The following PSMD1 variants were observed in gnomAD, a reference collection of about 807,000 sequenced individuals.
PSMD1 encodes the protein 26S proteasome non-ATPase regulatory subunit 1.
Under a neutral mutation model 119.0 loss-of-function variants are expected in PSMD1, and 18 were observed. The observed-to-expected ratio is 0.15, with a 90% CI of 0.10 to 0.22. The LOEUF is 0.22. PSMD1 is among the 10% of genes least tolerant of loss of function. The probability of loss-of-function intolerance (pLI) is 1.00; values close to 1 mark genes in which losing one functional copy is unlikely to be tolerated. For missense variants in PSMD1, 702 were observed against 1,158.5 expected, an observed-to-expected ratio of 0.61 and a Z score of 5.72; for synonymous variants, 374 against 396.6, an observed-to-expected ratio of 0.94 and a Z score of 0.68.
chr2:231,123,748 C>G, intron 16 of PSMD1: 1 of 1,613,722 alleles, frequency 6.2e-7, no homozygotes, highest in Non-Finnish European at 8.5e-7. Context: ...TTCAGACACT[C>G]TGTAAGAGAG....
chr2:231,098,095 G>A (rs1221996556), intron 16 of PSMD1, among the ~76,000 whole-genome samples: 2 of 152,202 alleles, frequency 1.3e-5, no homozygotes, highest in African/African-American at 4.8e-5. Flanking sequence ...TGACCCGCAG[G>A]GTGCCGGACT....
Position 231,083,008 on chromosome 2 carries a change from T to C in PSMD1, c.1525+14T>C, listed in dbSNP as rs1436156153. 7.7e-6 allele frequency: 12 copies of C among 1,565,440 alleles called. No individual in the cohort carries two copies. The highest frequency in any genetic ancestry group is 1.1e-5 in the Non-Finnish European group (12 of 1,136,992). On this transcript the variant is annotated intron_variant, in intron 13 of 24. Transcript: ENST00000308696. ...ATGCAGTAACAGGTAAGCATTTCTT[T>C]CTAAAGCTAACAAGCTTAAGTATTA...
Position 231,143,129 on chromosome 2 carries a change from TGTTGTTTTG to T in PSMD1, c.1999-3110_1999-3102del, listed in dbSNP as rs1250987231. On this transcript the variant is annotated intron_variant, in intron 17 of 24. Coordinates refer to ENST00000308696, the MANE Select transcript of PSMD1 (RefSeq NM_002807.4). Reference sequence around the variant, plus strand: ...TTGTGGGGTTTTTTGTTGTTTTTCTTGTTGTTTTGTATTTTTTTTTTAACTCTAATCTCA... The same window carrying T: ...TTGTGGGGTTTTTTGTTGTTTTTCTTTATTTTTTTTTTAACTCTAATCTCA... 2.6e-5 allele frequency among the ~76,000 whole-genome samples: 4 copies of T among 151,860 alleles called. No individual in the cohort carries two copies. In the South Asian group the frequency reaches 8.3e-4, roughly 32 times the overall value.
intron 19 of PSMD1, among the ~76,000 whole-genome samples, chr2:231,155,949 G>A (rs995736183): frequency 2.0e-5 from 3 of 151,898 alleles, no homozygotes; most frequent in Non-Finnish European, 4.4e-5. Flanking sequence ...GGTTTCCATA[G>A]TTTCTCCCTT....
chr2:231,077,356 T>G (rs1485899720), intron 9 of PSMD1, among the ~76,000 whole-genome samples, 194 bp downstream of exon 9: 1 of 152,174 alleles, frequency 6.6e-6, no homozygotes, highest in African/African-American at 2.4e-5. Flanking sequence ...GAGCAATGAT[T>G]GAGCTCTTGT....
chr2:231,165,202 T>A lies in PSMD1; in HGVS notation c.2484T>A (p.Val828=). ...GTTTACCCTGCTCATTTCCCCAGGTTTCTACTGCTGTATTATCTATAACTG... is the reference window on the plus strand; with the variant it reads ...GTTTACCCTGCTCATTTCCCCAGGTATCTACTGCTGTATTATCTATAACTG... ...EVPKEKEKEK[V]STAVLSITAK... Residue 828 remains valine (V), a splice_region_variant and synonymous_variant, in exon 22 of 25, where the codon GTT becomes GTA. Transcript: ENST00000308696. The A allele has an allele frequency of 1.9e-6, 3 of 1,602,538 alleles. No individual in the cohort carries two copies. The South Asian group carries it at 3.3e-5, about 18-fold the overall frequency.
intron 23 of PSMD1, among the ~76,000 whole-genome samples, chr2:231,166,482 G>A (rs1421095214): frequency 6.7e-6 from 1 of 150,210 alleles, no homozygotes; most frequent in Non-Finnish European, 1.5e-5. Flanking sequence ...AATAAGTATT[G>A]ATTACTATGG....
At chr2:231,137,854 G>C (rs767683281) in intron 16 of PSMD1, among the ~76,000 whole-genome samples, 2 of 152,032 alleles carry the variant, frequency 1.3e-5, no homozygotes, top group Non-Finnish European at 2.9e-5. Flanking sequence ...CCATGTTGCT[G>C]CAAAAAACAT....
chr2:231,115,213 AG>A (rs1329957458), intron 16 of PSMD1, among the ~76,000 whole-genome samples: 1 of 151,722 alleles, frequency 6.6e-6, no homozygotes, highest in Non-Finnish European at 1.5e-5. Flanking sequence ...AGCATAATTT[AG>A]GGGCAGAGTT....
chr2:231,066,934 A>G lies in PSMD1; in HGVS notation c.333A>G (p.Gln111=), dbSNP rs148284057. The G allele has an allele frequency of 3.1e-6, 5 of 1,611,560 alleles. No homozygotes were observed. In the African/African-American group the frequency reaches 4.0e-5, roughly 13 times the overall value. ...AATGCATTGATCACTACACCAAACAATGTGTGGAAAATGCAGATTTGCCTG... is the reference window on the plus strand; with the variant it reads ...AATGCATTGATCACTACACCAAACAGTGTGTGGAAAATGCAGATTTGCCTG... ...IAKCIDHYTK[Q]CVENADLPEG... Residue 111 remains glutamine, a synonymous_variant, in exon 5 of 25, where the codon CAA becomes CAG. Transcript: ENST00000308696.
Position 231,170,920 on chromosome 2 carries a change from C to T in PSMD1, c.*9+199C>T, listed in dbSNP as rs1696897900. Among the ~76,000 whole-genome samples, 1 of 152,172 alleles carries T rather than the reference C, an allele frequency of 6.6e-6. No individual in the cohort carries two copies. Among genetic ancestry groups the T allele is most frequent in the African/African-American group, 2.4e-5 (1 of 41,426 alleles). The stretch of plus-strand genomic sequence containing the variant: ...CTTTTTCTTTCCTCTTTGACTCGTA[C>T]TCTACTCACGTTATTCAAAGTGGCT... On this transcript the variant is annotated intron_variant, in intron 24 of 24. Coordinates refer to ENST00000308696, the MANE Select transcript of PSMD1 (RefSeq NM_002807.4). This position sits in a 1 kb window ranked among gnomAD's most constrained non-coding sequence, Gnocchi z 4.1.
At position 231,078,711 on chromosome 2, in the gene PSMD1, T is replaced by C; in HGVS notation, c.1124T>C (p.Phe375Ser). 1 of 1,610,930 alleles carries C rather than the reference T, an allele frequency of 6.2e-7. No homozygotes were observed. Among genetic ancestry groups the C allele is most frequent in the East Asian group, 2.2e-5 (1 of 44,742 alleles). Reference protein sequence around the residue: ...CHTATVIANSFMHCGTTSDQF... With the variant: ...CHTATVIANSSMHCGTTSDQF... ...ACTGCAACCGTTATAGCAAACTCTT[T>C]TATGCACTGTGGGACAACCAGTGAC... The change falls in exon 10 of 25, where the codon TTT (phenylalanine) becomes TCT (serine). Residue 375 changes from phenylalanine to serine, a missense_variant. Around this residue, in one of 9 missense-constraint regions of PSMD1, gnomAD observed 272 missense variants for 511.6 expected, o/e 0.53. Transcript: ENST00000308696.
intron 16 of PSMD1, among the ~76,000 whole-genome samples, chr2:231,116,193 G>C (rs931632764): frequency 6.6e-6 from 1 of 152,122 alleles, no homozygotes; most frequent in African/African-American, 2.4e-5. Context: ...CAGCTTCAAA[G>C]CGAACTAACA....
chr2:231,161,334 C>G lies in PSMD1; in HGVS notation c.2219-6C>G. 1 of 1,595,002 alleles carries G rather than the reference C, an allele frequency of 6.3e-7. No homozygotes were observed. The highest frequency in any genetic ancestry group is 8.6e-7 in the Non-Finnish European group (1 of 1,168,968). ...TATTGTTCATGGTTTCTCTCTTTTT[C>G]TACAGGTGGTCATAATGTCACAATC... On this transcript the variant is annotated splice_region_variant and splice_polypyrimidine_tract_variant and intron_variant, in intron 19 of 24. Coordinates refer to ENST00000308696, the MANE Select transcript of PSMD1 (RefSeq NM_002807.4).
intron 16 of PSMD1, among the ~76,000 whole-genome samples, chr2:231,102,873 GTTATATTTGTTATAGCTTATTTA>G (rs531509122): frequency 0.033 from 5,063 of 152,154 alleles, 93 homozygotes; most frequent in Middle Eastern, 0.061. Context: ...TGTTATATTT[GTTATATTTGTTATAGCTTATTTA>G]TTATATTTGT....
At chr2:231,162,211 G>A (rs1574778446) in intron 20 of PSMD1, among the ~76,000 whole-genome samples, 1 of 152,192 alleles carries the variant, frequency 6.6e-6, no homozygotes, top group African/African-American at 2.4e-5. Flanking sequence ...CCTGTGACTT[G>A]ATGATTCATC....
chr2:231,083,139 CAA>C, intron 13 of PSMD1, 145 bp downstream of exon 13: 1 of 688,660 alleles, frequency 1.5e-6, no homozygotes, highest in Non-Finnish European at 2.4e-6. Context: ...CTCCATTTGT[CAA>C]AGTTATCTTT....
At chr2:231,104,364 T>G (rs1046752369) in intron 16 of PSMD1, among the ~76,000 whole-genome samples, 1 of 152,180 alleles carries the variant, frequency 6.6e-6, no homozygotes, top group Non-Finnish European at 1.5e-5. Flanking sequence ...TTCCACTACA[T>G]AGTATAGTCA....
intron 17 of PSMD1, among the ~76,000 whole-genome samples, chr2:231,140,495 CA>C (rs766658246): frequency 6.8e-3 from 331 of 48,494 alleles, no homozygotes; most frequent in Middle Eastern, 0.012. Flanking sequence ...GACTCCATCT[CA>C]AAAAAAAAAA....
Sources: allele counts gnomAD v4.1 joint callset (sites outside exome capture counted in the v4.1 genomes callset), GRCh38; gene constraint gnomAD v4.1.1; regional missense constraint gnomAD v4.1.1; non-coding constraint Gnocchi (gnomAD v3.1); transcripts MANE v1.5; gene names NCBI Gene and HGNC (gene_info 2026-07-23, HGNC 2026-07-21).